MYOM1: variants seen among roughly 807,000 people sequenced by gnomAD.
MYOM1 encodes the protein myomesin-1.
Under a neutral mutation model 205.3 loss-of-function variants are expected in MYOM1, and 164 were observed. That is an observed-to-expected ratio of 0.80 (90% CI 0.70 to 0.91). The LOEUF (loss-of-function observed/expected upper bound fraction) is 0.91, where lower values mean the gene tolerates loss of function less well. Ranked by LOEUF, MYOM1 falls within the 40% of genes least tolerant of loss-of-function variation. The pLI is 0.00. For synonymous variants in MYOM1, 772 were observed against 789.4 expected (o/e 0.98, Z 0.37); for missense variants, 2,011 against 2,127.3 (o/e 0.95, Z 1.08).
chr18:3,193,359 T>TACAC (rs536189289), intron 3 of MYOM1, among the ~76,000 whole-genome samples: 4 of 119,314 alleles, frequency 3.4e-5, no homozygotes, highest in Admixed American at 8.3e-5. Flanking sequence ...TATATATATA[T>TACAC]ATACACACAC....
chr18:3,166,529 G>A (rs912104239), intron 9 of MYOM1, among the ~76,000 whole-genome samples: 5 of 151,688 alleles, frequency 3.3e-5, no homozygotes, highest in Non-Finnish European at 7.4e-5. Flanking sequence ...CAAGTGATCT[G>A]CCCACCTCAG....
chr18:3,068,442 TTGTG>T (rs544249847), intron 37 of MYOM1, among the ~76,000 whole-genome samples: 2 of 152,094 alleles, frequency 1.3e-5, no homozygotes, highest in African/African-American at 4.8e-5. Flanking sequence ...TTATTTGTGT[TTGTG>T]TGTGTTTCAT....
chr18:3,246,291 G>A, the MYOM1 span: 4,070 of 152,284 alleles, frequency 0.027, 122 homozygotes, highest in East Asian at 0.13. Flanking sequence ...GGTTTGTCCC[G>A]TCGCTGCCAG....
At chr18:3,122,218 A>C (rs2079705585) in intron 19 of MYOM1, among the ~76,000 whole-genome samples, 1 of 152,068 alleles carries the variant, frequency 6.6e-6, no homozygotes, top group Non-Finnish European at 1.5e-5. Flanking sequence ...ATAGCAAACA[A>C]ATGACAAAGA....
chr18:3,083,973 G>T lies in MYOM1; in HGVS notation c.4378+16C>A, dbSNP rs772825731. The T allele has an allele frequency of 1.9e-6, 3 of 1,587,142 alleles. No homozygotes were observed. Among genetic ancestry groups the T allele is most frequent in the Non-Finnish European group, 2.6e-6 (3 of 1,165,206 alleles). Reference sequence around the variant, plus strand: ...GGATCATAAAGCATTGTTGTGGTGCGAAATGTTTGACTCACCTATTTTTTT... The same window carrying T: ...GGATCATAAAGCATTGTTGTGGTGCTAAATGTTTGACTCACCTATTTTTTT... On this transcript the variant is annotated intron_variant, in intron 32 of 37. Transcript: ENST00000356443.
the MYOM1 span, among the ~76,000 whole-genome samples, chr18:3,227,159 G>A: frequency 6.6e-6 from 1 of 151,860 alleles, no homozygotes; most frequent in Middle Eastern, 3.2e-3. Context: ...TCCAAATGAT[G>A]AGATGCTTTC....
chr18:3,188,970 CT>C lies in MYOM1; in HGVS notation c.548del (p.Gln183ArgfsTer62), dbSNP rs762972115. ...ASEEGITTSK[Q>X]STASKQTTAS... Reference sequence around the variant, plus strand: ...CCGTGGTCTGCTTGGATGCCGTGGACTGTTTAGATGTTGTGATTCCTTCCTC... The same window carrying C: ...CCGTGGTCTGCTTGGATGCCGTGGACGTTTAGATGTTGTGATTCCTTCCTC... On this transcript the variant is annotated frameshift_variant, in exon 4 of 38. Coordinates refer to ENST00000356443, the MANE Select transcript of MYOM1 (RefSeq NM_003803.4). LOFTEE classifies it high-confidence loss of function. 56 of 1,613,246 alleles carry C rather than the reference CT, an allele frequency of 3.5e-5. No homozygotes were observed. The highest frequency in any genetic ancestry group is 4.7e-5 in the Non-Finnish European group (55 of 1,179,744).
chr18:3,244,999 T>C, the MYOM1 span, among the ~76,000 whole-genome samples: 1 of 148,752 alleles, frequency 6.7e-6, no homozygotes, highest in Admixed American at 6.7e-5. Context: ...CTCTGCCACA[T>C]GAGAACACAG....
chr18:3,076,610 G>GA (rs747667862), intron 34 of MYOM1, among the ~76,000 whole-genome samples: 1 of 152,134 alleles, frequency 6.6e-6, no homozygotes, highest in African/African-American at 2.4e-5. Context: ...ATGATGGAGA[G>GA]GGGATGAAAG....
chr18:3,172,011 T>A (rs957715602), intron 8 of MYOM1, among the ~76,000 whole-genome samples: 1 of 152,236 alleles, frequency 6.6e-6, no homozygotes, highest in Non-Finnish European at 1.5e-5. Context: ...AACTGTTTCC[T>A]CATTGGCATA....
At chr18:3,194,596 G>C (rs2080968002) in intron 2 of MYOM1, among the ~76,000 whole-genome samples, 1 of 152,156 alleles carries the variant, frequency 6.6e-6, no homozygotes, top group African/African-American at 2.4e-5. Flanking sequence ...GAGGCAGGTA[G>C]TGTTCTAATA....
At chr18:3,086,524 A>G (rs2079156254) in intron 29 of MYOM1, among the ~76,000 whole-genome samples, 1 of 152,232 alleles carries the variant, frequency 6.6e-6, no homozygotes, top group Admixed American at 6.5e-5. Flanking sequence ...CTGTGTTACA[A>G]AAACAAATGG....
intron 29 of MYOM1, among the ~76,000 whole-genome samples, chr18:3,087,191 C>A (rs1377533976): frequency 6.6e-6 from 1 of 152,200 alleles, no homozygotes; most frequent in South Asian, 2.1e-4. Flanking sequence ...ATGCACTCCG[C>A]AGCTTTGGGC....
At chr18:3,183,138 A>G (rs1382805415) in intron 5 of MYOM1, among the ~76,000 whole-genome samples, 1 of 152,052 alleles carries the variant, frequency 6.6e-6, no homozygotes, top group Non-Finnish European at 1.5e-5. Flanking sequence ...CATGTTGGTT[A>G]GGCTGGTCTC....
chr18:3,161,103 G>A (rs970173719), intron 10 of MYOM1, among the ~76,000 whole-genome samples: 1 of 151,934 alleles, frequency 6.6e-6, no homozygotes, highest in African/African-American at 2.4e-5. Flanking sequence ...TGGTGATTTG[G>A]CTAAATGAAC....
At chr18:3,069,641 T>C (rs1262618070) in intron 37 of MYOM1, among the ~76,000 whole-genome samples, 1 of 151,372 alleles carries the variant, frequency 6.6e-6, no homozygotes, top group Admixed American at 6.6e-5. Flanking sequence ...GAAACTGTGA[T>C]TACTTGTAGT....
intron 14 of MYOM1, among the ~76,000 whole-genome samples, chr18:3,139,267 C>G (rs546742867): frequency 1.3e-5 from 2 of 152,178 alleles, no homozygotes; most frequent in African/African-American, 2.4e-5. Context: ...GTGATACAGT[C>G]CTTGTCTCTG....
intron 2 of MYOM1, among the ~76,000 whole-genome samples, chr18:3,206,850 T>C (rs1047174040): frequency 3.3e-5 from 5 of 152,146 alleles, no homozygotes; most frequent in African/African-American, 1.2e-4. Context: ...ATCGACATGA[T>C]CCTTGAAATT....
chr18:3,120,710 T>C (rs1315577598), intron 19 of MYOM1, among the ~76,000 whole-genome samples: 4 of 152,176 alleles, frequency 2.6e-5, no homozygotes, highest in East Asian at 1.9e-4. Context: ...AGCTAGGGCA[T>C]GTACAGGTGA....
Sources: gnomAD v4.1 joint callset for allele counts (sites outside exome capture counted in the v4.1 genomes callset) on GRCh38, gnomAD v4.1.1 for gene constraint, MANE v1.5 for transcripts, NCBI Gene and HGNC (gene_info 2026-07-23, HGNC 2026-07-21) for gene names.